Variants in NUDT5 observed in about 807,000 individuals in gnomAD.
NUDT5 encodes the protein nudix hydrolase 5, also known as ADP-sugar pyrophosphatase.
Under a neutral mutation model 34.1 loss-of-function variants are expected in NUDT5, and 21 were observed. The ratio of observed to expected loss-of-function variants is 0.62; its 90% CI spans 0.44 to 0.89. The LOEUF (loss-of-function observed/expected upper bound fraction) is 0.89. Ranked by LOEUF, NUDT5 falls within the 40% of genes least tolerant of loss-of-function variation. NUDT5 has a pLI of 0.00. For missense variants in NUDT5, 249 were observed against 274.8 expected, an observed-to-expected ratio of 0.91 and a Z score of 0.66; for synonymous variants, 85 against 97.6, an observed-to-expected ratio of 0.87 and a Z score of 0.76.
At chr10:12,185,211 A>G (rs1020675399) in intron 2 of NUDT5, among the ~76,000 whole-genome samples, 1 of 152,100 alleles carries the variant, frequency 6.6e-6, no homozygotes, top group African/African-American at 2.4e-5. Flanking sequence ...GACAGTCTAA[A>G]AACTCCTGGG....
At chr10:12,190,873 C>T (rs140530391) in intron 1 of NUDT5, among the ~76,000 whole-genome samples, 45 of 152,002 alleles carry the variant, frequency 3.0e-4, no homozygotes, top group Middle Eastern at 3.4e-3. Context: ...CCTCCCACAG[C>T]ACTGGGATTA....
rs1201331949 is a variant in NUDT5 at position 12,165,585 on chromosome 10, GA to G, written c.*2116del. 1 of 155,768 alleles carries G rather than the reference GA, an allele frequency of 6.4e-6. No individual in the cohort carries two copies. Among genetic ancestry groups the G allele is most frequent in the Admixed American group, 6.5e-5 (1 of 15,294 alleles). 9.6% of individuals were successfully genotyped at this position (155,768 alleles called of 1,614,324 possible). Reference sequence around the variant, plus strand: ...GTGACTAACATTTGGGAGGAAACAGGAAAACAGTGGTCTCAAAACAACAATA... The same window carrying G: ...GTGACTAACATTTGGGAGGAAACAGGAAACAGTGGTCTCAAAACAACAATA... On this transcript the variant is annotated 3_prime_UTR_variant, in exon 10 of 10. Coordinates refer to ENST00000491614, the MANE Select transcript of NUDT5 (RefSeq NM_014142.4).
At chr10:12,184,454 T>A in intron 3 of NUDT5, 1 of 1,532,442 alleles carries the variant, frequency 6.5e-7, no homozygotes, top group African/African-American at 1.4e-5. Flanking sequence ...GTACAAAATG[T>A]TTTTTTCCCA....
rs1315119991 is a variant in NUDT5, at chr10:12,181,585, G to T, written c.132-2453C>A. On this transcript the variant is annotated intron_variant, in intron 3 of 9. Transcript: ENST00000491614. The surrounding 1 kb of genome is among the most constrained non-coding windows in gnomAD (Gnocchi z 5.0). The stretch of plus-strand genomic sequence containing the variant: ...GCACATAGGTCTCAGCCCTGTGTAG[G>T]GTGTTGTGGGGAACTGCTGCTGGGC... Among the ~76,000 whole-genome samples the T allele has an allele frequency of 6.6e-6, 1 of 152,110 alleles. No homozygotes were observed. Among genetic ancestry groups the T allele is most frequent in the Admixed American group, 6.5e-5 (1 of 15,278 alleles).
At chr10:12,174,603 G>T (rs1325215026) in intron 5 of NUDT5, among the ~76,000 whole-genome samples, 1 of 152,190 alleles carries the variant, frequency 6.6e-6, no homozygotes, top group Non-Finnish European at 1.5e-5. Flanking sequence ...ACAAAAAGGC[G>T]AAAGAATAAA....
At position 12,170,095 on chromosome 10, in the gene NUDT5, A is replaced by G. The variant is rs1834823171; in HGVS notation, c.550+622T>C. 6.2e-7 allele frequency: 1 copy of G among 1,609,748 alleles called. No homozygotes were observed. The highest frequency in any genetic ancestry group is 2.2e-5 in the East Asian group (1 of 44,856). ...GTATCTCCTCATGTCTCCATACAGT[A>G]TCTCCTCTCGTGGTTTTATCAAAGG... On this transcript the variant is annotated intron_variant, in intron 9 of 9. Transcript: ENST00000491614. The surrounding 1 kb of genome is among the most constrained non-coding windows in gnomAD (Gnocchi z 4.9).
At chr10:12,184,585 T>G (rs1232642844) in intron 3 of NUDT5, 8 of 1,447,310 alleles carry the variant, frequency 5.5e-6, no homozygotes, top group African/African-American at 1.4e-5. Context: ...CATGTACTGT[T>G]AATTATTCTG....
At chr10:12,192,293 A>G (rs1835244399) in intron 1 of NUDT5, among the ~76,000 whole-genome samples, 2 of 146,738 alleles carry the variant, frequency 1.4e-5, no homozygotes, top group Non-Finnish European at 3.0e-5. Flanking sequence ...ACAGAGTGAG[A>G]CTCTGTCTCC....
intron 1 of NUDT5, among the ~76,000 whole-genome samples, chr10:12,191,023 G>T (rs1200344639): frequency 6.6e-6 from 1 of 152,182 alleles, no homozygotes; most frequent in Non-Finnish European, 1.5e-5. Context: ...CGGGGCAAGG[G>T]TGAGAAATTC....
At position 12,170,116 on chromosome 10, in the gene NUDT5, A is replaced by G; in HGVS notation, c.550+601T>C. 6.2e-7 allele frequency: 1 copy of G among 1,612,344 alleles called. No individual in the cohort carries two copies. The highest frequency in any genetic ancestry group is 1.1e-5 in the South Asian group (1 of 91,056). ...CAGTATCTCCTCTCGTGGTTTTATC[A>G]AAGGACTTTTCTCCCCATAAGCTTA... On this transcript the variant is annotated intron_variant, in intron 9 of 9. Coordinates refer to ENST00000491614, the MANE Select transcript of NUDT5 (RefSeq NM_014142.4). The surrounding 1 kb of genome is among the most constrained non-coding windows in gnomAD (Gnocchi z 4.9).
intron 5 of NUDT5, among the ~76,000 whole-genome samples, chr10:12,174,894 G>A (rs1834924456): frequency 6.7e-6 from 1 of 149,264 alleles, no homozygotes; most frequent in Non-Finnish European, 1.5e-5. Context: ...CCGAGGCCTG[G>A]GAATGAAAGG....
chr10:12,194,317 TCTC>T (rs1835291705), intron 1 of NUDT5, among the ~76,000 whole-genome samples: 1 of 152,112 alleles, frequency 6.6e-6, no homozygotes, highest in African/African-American at 2.4e-5. Context: ...GATGCTAACA[TCTC>T]CTTCCGCGCA....
chr10:12,195,007 A>G (rs901953237), intron 1 of NUDT5, among the ~76,000 whole-genome samples: 1 of 152,168 alleles, frequency 6.6e-6, no homozygotes, highest in African/African-American at 2.4e-5. Flanking sequence ...TACTAAAAAC[A>G]CAAAAATTAG....
At position 12,181,445 on chromosome 10, in the gene NUDT5, G is replaced by C. The variant is rs1835039367; in HGVS notation, c.132-2313C>G. ...AAGTGTTTCAGAGTTTGGTTTTTCA[G>C]ATTTTGAAATATTTGCCTTACCCTC... is the stretch of plus-strand genomic sequence containing the variant. On this transcript the variant is annotated intron_variant, in intron 3 of 9. Coordinates refer to ENST00000491614, the MANE Select transcript of NUDT5 (RefSeq NM_014142.4). This position sits in a 1 kb window ranked among gnomAD's most constrained non-coding sequence, Gnocchi z 5.0. Among the ~76,000 whole-genome samples the C allele has an allele frequency of 6.6e-6, 1 of 152,162 alleles. No individual in the cohort carries two copies. Among genetic ancestry groups the C allele is most frequent in the Non-Finnish European group, 1.5e-5 (1 of 68,030 alleles).
At chr10:12,193,524 G>A (rs1389565904) in intron 1 of NUDT5, among the ~76,000 whole-genome samples, 1 of 152,204 alleles carries the variant, frequency 6.6e-6, no homozygotes, top group Non-Finnish European at 1.5e-5. Flanking sequence ...TTTTATTGGA[G>A]AAACTTGATG....
chr10:12,172,290 T>C (rs1834871317), intron 7 of NUDT5, among the ~76,000 whole-genome samples: 1 of 152,160 alleles, frequency 6.6e-6, no homozygotes, highest in Non-Finnish European at 1.5e-5. Flanking sequence ...CATTTTTTTT[T>C]TTTTAAGAGA....
intron 1 of NUDT5, among the ~76,000 whole-genome samples, chr10:12,188,860 C>T (rs753061459): frequency 2.4e-4 from 37 of 151,674 alleles, no homozygotes; most frequent in Non-Finnish European, 4.3e-4. Flanking sequence ...AGTGACTCAG[C>T]GTTTCATGAA....
At chr10:12,184,693 T>A (rs888510822) in intron 3 of NUDT5, among the ~76,000 whole-genome samples, 196 bp downstream of exon 3, 1 of 152,338 alleles carries the variant, frequency 6.6e-6, no homozygotes. Context: ...TGATTAGTTA[T>A]TGTAACACAT....
Position 12,186,243 on chromosome 10 carries a change from T to A in NUDT5, c.49A>T (p.Ile17Phe), listed in dbSNP as rs185121763. 1.9e-6 allele frequency: 3 copies of A among 1,613,412 alleles called. No homozygotes were observed. Among genetic ancestry groups the A allele is most frequent in the African/African-American group, 2.7e-5 (2 of 75,056 alleles). Residue 17 changes from isoleucine to phenylalanine, a missense_variant, in exon 2 of 10, where the codon ATC becomes TTC. Physicochemically the swap from Ile to Phe is conservative, Grantham distance 21 (BLOSUM62 0). Coordinates refer to ENST00000491614, the MANE Select transcript of NUDT5 (RefSeq NM_014142.4). Reference sequence around the variant, plus strand: ...ACAAGTTATACCTCCTCTGAAATGATATACTGTTTGCCATTCTGAGAAGAT... The same window carrying A: ...ACAAGTTATACCTCCTCTGAAATGAAATACTGTTTGCCATTCTGAGAAGAT... ...TESSQNGKQY[I>F]ISEELISEGK...
Sources: allele counts gnomAD v4.1 joint callset (sites outside exome capture counted in the v4.1 genomes callset), GRCh38; gene constraint gnomAD v4.1.1; non-coding constraint Gnocchi (gnomAD v3.1); transcripts MANE v1.5; gene names NCBI Gene and HGNC (gene_info 2026-07-23, HGNC 2026-07-21).